Variants in ACAP2 observed in about 807,000 individuals in gnomAD.
ACAP2 encodes arf-GAP with coiled-coil, ANK repeat and PH domain-containing protein 2.
A neutral mutation model predicts 115.8 loss-of-function variants in ACAP2; 39 were observed. The observed-to-expected ratio is 0.34, with a 90% confidence interval of 0.26 to 0.44. The LOEUF is 0.44. Among genes scored for constraint, ACAP2 ranks in the 20% least tolerant of loss-of-function variants. The pLI is 1.00. For missense variants in ACAP2, 662 were observed against 927.6 expected (o/e 0.71, Z 3.72); for synonymous variants, 289 against 315.8 (o/e 0.92, Z 0.90).
chr3:195,406,186 T>G (rs1188356766), intron 1 of ACAP2, among the ~76,000 whole-genome samples: 1 of 152,218 alleles, frequency 6.6e-6, no homozygotes, highest in Non-Finnish European at 1.5e-5. Flanking sequence ...TTAACCTTAA[T>G]GCAATCACAT....
rs553701475 is a variant in ACAP2, at chr3:195,289,705, C to A, written c.2064-474G>T. On this transcript the variant is annotated intron_variant, in intron 20 of 22. Transcript: ENST00000326793. ...CCTGTAGTCCCAGCTACACAGGAGG[C>A]TGAGGCAGGAGAATGGCGTGAACCC... Among the ~76,000 whole-genome samples the A allele has an allele frequency of 6.4e-4, 96 of 149,588 alleles. 1 individual carries two copies. Among genetic ancestry groups the A allele is most frequent in the African/African-American group, 2.2e-3 (91 of 40,756 alleles).
At chr3:195,423,265 G>A (rs568879038) in intron 1 of ACAP2, among the ~76,000 whole-genome samples, 25 of 152,064 alleles carry the variant, frequency 1.6e-4, no homozygotes, top group African/African-American at 5.3e-4. Context: ...AGTAACAACC[G>A]GTAACTCTAG....
At chr3:195,342,038 G>A (rs982438752) in intron 6 of ACAP2, among the ~76,000 whole-genome samples, 3 of 151,972 alleles carry the variant, frequency 2.0e-5, no homozygotes, top group African/African-American at 7.3e-5. Context: ...TTCCTGTTGG[G>A]TACAATGTAT....
At chr3:195,283,163 G>C (rs1169332495) in intron 22 of ACAP2, among the ~76,000 whole-genome samples, 1 of 152,212 alleles carries the variant, frequency 6.6e-6, no homozygotes, top group South Asian at 2.1e-4. Context: ...AAGAGTCACA[G>C]AGCCAGAGAC....
chr3:195,300,319 A>G (rs1044180463), intron 15 of ACAP2, among the ~76,000 whole-genome samples: 2 of 152,176 alleles, frequency 1.3e-5, no homozygotes, highest in African/African-American at 4.8e-5. Flanking sequence ...TGCTGGGATT[A>G]CAGGCATGAG....
At position 195,424,281 on chromosome 3, in the gene ACAP2, ATATTTTTTTTTTTTTTTT is replaced by A. The variant is rs1428150595; in HGVS notation, c.53+18496_53+18513del. ...TGTGTGTATATATATATATATATAT[ATATTTTTTTTTTTTTTTT>A]TTTTTTTTTTTTTGAAACAGAGTCT... is the stretch of plus-strand genomic sequence containing the variant. On this transcript the variant is annotated intron_variant, in intron 1 of 22. Coordinates refer to ENST00000326793, the MANE Select transcript of ACAP2 (RefSeq NM_012287.6). Among the ~76,000 whole-genome samples, 345 of 49,388 alleles carry A rather than the reference ATATTTTTTTTTTTTTTTT, an allele frequency of 7.0e-3. 12 individuals carry two copies. In the Admixed American group the frequency reaches 0.1, roughly 14 times the overall value. The allele number at this position is 49,388 out of a possible 152,430, so 32.4% of individuals were successfully genotyped here. A position where few individuals can be genotyped will look rare whatever the true frequency, so the allele number is the denominator to read the frequency against.
intron 4 of ACAP2, among the ~76,000 whole-genome samples, chr3:195,378,106 A>AAGCAGAGGAGGAAGGG: frequency 6.6e-6 from 1 of 151,980 alleles, no homozygotes; most frequent in African/African-American, 2.4e-5. Flanking sequence ...GGAAGGGAGG[A>AAGCAGAGGAGGAAGGG]AGGAAGGAGA....
intron 4 of ACAP2, among the ~76,000 whole-genome samples, chr3:195,377,136 A>ATTTTTTTTTTT (rs1478091442): frequency 4.6e-4 from 41 of 89,676 alleles, no homozygotes; most frequent in East Asian, 3.8e-3. Context: ...AGGAATGTAA[A>ATTTTTTTTTTT]TCTTTTTTTT....
chr3:195,406,150 C>A (rs1169623335), intron 1 of ACAP2, among the ~76,000 whole-genome samples: 1 of 152,210 alleles, frequency 6.6e-6, no homozygotes, highest in East Asian at 1.9e-4. Flanking sequence ...TGGGTTACCT[C>A]TGCTTGAATA....
At chr3:195,303,779 T>A (rs868291457) in intron 13 of ACAP2, among the ~76,000 whole-genome samples, 5 of 152,292 alleles carry the variant, frequency 3.3e-5, no homozygotes, top group Middle Eastern at 3.4e-3. Flanking sequence ...CCCGCCATCC[T>A]GCTACATGGC....
At chr3:195,423,357 T>A (rs892533143) in intron 1 of ACAP2, among the ~76,000 whole-genome samples, 2 of 152,166 alleles carry the variant, frequency 1.3e-5, no homozygotes, top group Non-Finnish European at 2.9e-5. Context: ...GCATGGTGGC[T>A]CATGCCTCTA....
intron 1 of ACAP2, among the ~76,000 whole-genome samples, chr3:195,416,835 A>C (rs1713771518): frequency 6.6e-6 from 1 of 152,182 alleles, no homozygotes; most frequent in Non-Finnish European, 1.5e-5. Flanking sequence ...ACTTAAGTTT[A>C]ATATGTATCT....
chr3:195,344,244 G>T (rs562602693), intron 5 of ACAP2, among the ~76,000 whole-genome samples: 1 of 151,922 alleles, frequency 6.6e-6, no homozygotes, highest in South Asian at 2.1e-4. Flanking sequence ...AAAAACAAAA[G>T]AAAAGAAACT....
At chr3:195,350,897 C>T (rs1371335780) in intron 4 of ACAP2, among the ~76,000 whole-genome samples, 1 of 151,660 alleles carries the variant, frequency 6.6e-6, no homozygotes, top group Non-Finnish European at 1.5e-5. Context: ...TAAACTTCCA[C>T]AAGAAAACAT....
intron 1 of ACAP2, among the ~76,000 whole-genome samples, chr3:195,426,315 C>T (rs1018579946): frequency 6.6e-6 from 1 of 152,162 alleles, no homozygotes; most frequent in Non-Finnish European, 1.5e-5. Context: ...AACAGGAAGA[C>T]AGGCAAACAT....
intron 2 of ACAP2, among the ~76,000 whole-genome samples, chr3:195,387,183 T>C (rs925527761): frequency 6.6e-6 from 1 of 152,188 alleles, no homozygotes; most frequent in African/African-American, 2.4e-5. Flanking sequence ...TAGATGACAC[T>C]GATAAATGAG....
At chr3:195,339,614 C>T (rs4677830) in intron 6 of ACAP2, among the ~76,000 whole-genome samples, 126,407 of 151,714 alleles carry the variant, frequency 0.83, 52,948 homozygotes, top group East Asian at 0.94. Flanking sequence ...TTACTTACTA[C>T]TCTCTAAAGT....
intron 1 of ACAP2, among the ~76,000 whole-genome samples, chr3:195,417,309 T>A (rs1713816173): frequency 6.6e-6 from 1 of 151,986 alleles, no homozygotes; most frequent in Admixed American, 6.6e-5. Flanking sequence ...GAATGTACCA[T>A]GCATAACTCA....
rs1205282247 is a variant in ACAP2 at position 195,326,969 on chromosome 3, G to A, written c.670-10C>T. ...CAACCAGTCGATCCAACTGTAAAAA[G>A]GGAAAAGAGAAAACTGCAGACTTAA... is the stretch of plus-strand genomic sequence containing the variant. On this transcript the variant is annotated splice_polypyrimidine_tract_variant and intron_variant, in intron 8 of 22. Coordinates refer to ENST00000326793, the MANE Select transcript of ACAP2 (RefSeq NM_012287.6). The A allele has an allele frequency of 1.9e-6, 3 of 1,612,062 alleles. No homozygotes were observed. The highest frequency in any genetic ancestry group is 2.2e-5 in the East Asian group (1 of 44,774).
Sources: gnomAD v4.1 joint callset for allele counts (sites outside exome capture counted in the v4.1 genomes callset) on GRCh38, gnomAD v4.1.1 for gene constraint, MANE v1.5 for transcripts, NCBI Gene and HGNC (gene_info 2026-07-23, HGNC 2026-07-21) for gene names.